Variants in SLC23A2 observed in about 807,000 individuals in gnomAD.
SLC23A2 encodes solute carrier family 23 member 2, also known as Na(+)/L-ascorbic acid transporter 2.
In SLC23A2, 36 loss-of-function variants were observed where a neutral mutation model predicts 73.3. The observed-to-expected ratio is 0.49, with a 90% confidence interval of 0.38 to 0.65. The LOEUF (loss-of-function observed/expected upper bound fraction) is 0.65, where lower values mean the gene tolerates loss of function less well. Ranked by LOEUF, SLC23A2 falls within the 30% of genes least tolerant of loss-of-function variation. SLC23A2 has a pLI of 0.00. For synonymous variants in SLC23A2, 343 were observed against 327.3 expected (o/e 1.05, Z -0.52); for missense variants, 507 against 841.6 (o/e 0.60, Z 4.92).
At chr20:4,972,060 T>C (rs1017319164) in intron 1 of SLC23A2, among the ~76,000 whole-genome samples, 3 of 152,212 alleles carry the variant, frequency 2.0e-5, no homozygotes, top group African/African-American at 7.2e-5. Flanking sequence ...CTCTTGTACC[T>C]ATGCATATGT....
At chr20:4,908,072 A>C (rs974018260) in intron 4 of SLC23A2, among the ~76,000 whole-genome samples, 2 of 152,260 alleles carry the variant, frequency 1.3e-5, no homozygotes, top group Non-Finnish European at 2.9e-5. Flanking sequence ...AAGAGAACTG[A>C]TAGCTGGAGG....
In SLC23A2 at chr20:4,873,898, C is replaced by T. The variant is rs375820549; in HGVS notation, c.1102+38G>A. 9.3e-5 allele frequency: 147 copies of T among 1,582,440 alleles called. 1 individual carries two copies. In the Middle Eastern group the frequency reaches 1.2e-3, roughly 13 times the overall value. On this transcript the variant is annotated intron_variant, in intron 11 of 16. Transcript: ENST00000338244. ...TTCCCACCCCTCTCAGTTGGGCCCT[C>T]GTGGGCTCTTGACCCCTCTAGCCAT...
intron 10 of SLC23A2, 95 bp from the exon 11 acceptor site, chr20:4,874,187 A>G: frequency 8.6e-7 from 1 of 1,161,304 alleles, no homozygotes; most frequent in Non-Finnish European, 1.2e-6. Context: ...CACACCCCAG[A>G]GCCCACCACA....
chr20:4,995,534 C>A (rs1348087102), intron 1 of SLC23A2, among the ~76,000 whole-genome samples: 2 of 152,118 alleles, frequency 1.3e-5, no homozygotes, highest in Non-Finnish European at 2.9e-5. Context: ...ACTCAGTTAC[C>A]CTCTCCCAGT....
Position 4,899,464 on chromosome 20 carries a change from A to G in SLC23A2, c.482+91T>C, listed in dbSNP as rs1931664785. 2.7e-6 allele frequency: 4 copies of G among 1,491,320 alleles called. No individual in the cohort carries two copies. The East Asian group carries it at 9.1e-5, about 34-fold the overall frequency. The allele number at this position is 1,491,320 out of a possible 1,614,324, so 92.4% of individuals were successfully genotyped here. Reference sequence around the variant, plus strand: ...CCCGTGCCTCCATTCTGTCCTTGCCAACAGCCCTAGGCAAACGGCGCAGCT... The same window carrying G: ...CCCGTGCCTCCATTCTGTCCTTGCCGACAGCCCTAGGCAAACGGCGCAGCT... On this transcript the variant is annotated intron_variant, in intron 6 of 16. Coordinates refer to ENST00000338244, the MANE Select transcript of SLC23A2 (RefSeq NM_005116.6). The surrounding 1 kb of genome is among the most constrained non-coding windows in gnomAD (Gnocchi z 4.9).
Position 4,883,759 on chromosome 20 carries a change from C to T in SLC23A2, c.707G>A (p.Gly236Glu). The T allele has an allele frequency of 6.2e-7, 1 of 1,613,874 alleles. No individual in the cohort carries two copies. The highest frequency in any genetic ancestry group is 8.5e-7 in the Non-Finnish European group (1 of 1,179,888). Reference sequence around the variant, plus strand: ...GGGACCGATGTACTTCAGTAGAGCCCCAGGCAGGCCGAGGAGGCCGATGAC... The same window carrying T: ...GGGACCGATGTACTTCAGTAGAGCCTCAGGCAGGCCGAGGAGGCCGATGAC... ...EVVIGLLGLPGALLKYIGPLT... is the reference protein window; with the variant it reads ...EVVIGLLGLPEALLKYIGPLT... The change falls in exon 9 of 17, where the codon GGG becomes GAG. Residue 236 changes from glycine (G) to glutamate (E), a missense_variant. Gly to Glu is a moderately conservative substitution (Grantham distance 98, BLOSUM62 -2). Transcript: ENST00000338244. This position sits in a 1 kb window ranked among gnomAD's most constrained non-coding sequence, Gnocchi z 4.5.
At chr20:4,917,541 A>C (rs550791250) in intron 3 of SLC23A2, among the ~76,000 whole-genome samples, 1 of 152,318 alleles carries the variant, frequency 6.6e-6, no homozygotes, top group African/African-American at 2.4e-5. Flanking sequence ...GAATGTTTGT[A>C]AGCCAATTCA....
rs975616901 is a variant in SLC23A2, at chr20:4,998,824, G to C, written c.-282+2582C>G. On this transcript the variant is annotated intron_variant, in intron 1 of 16. Coordinates refer to ENST00000338244, the MANE Select transcript of SLC23A2 (RefSeq NM_005116.6). The surrounding 1 kb of genome is among the most constrained non-coding windows in gnomAD (Gnocchi z 4.1). The stretch of plus-strand genomic sequence containing the variant: ...GTTGATCTTTTTTTTTTTTTTTTTA[G>C]GAGACAGTCTCACTCTGTCACCCAG... Among the ~76,000 whole-genome samples, 314 of 84,928 alleles carry C rather than the reference G, an allele frequency of 3.7e-3. No homozygotes were observed. The highest frequency in any genetic ancestry group is 0.011 in the African/African-American group (293 of 26,862). The allele number at this position is 84,928 out of a possible 152,430, so 55.7% of individuals were successfully genotyped here.
chr20:4,988,948 C>T (rs913791507), intron 1 of SLC23A2, among the ~76,000 whole-genome samples: 1 of 151,112 alleles, frequency 6.6e-6, no homozygotes, highest in Non-Finnish European at 1.5e-5. Flanking sequence ...AAAGAAATCG[C>T]TAACTAGGCC....
Position 4,883,919 on chromosome 20 carries a change from A to G in SLC23A2, c.643-96T>C, listed in dbSNP as rs1600098245. ...ACCACAACTGATAATTCTGCAAGGC[A>G]ATAAGTTATTACATCATCTAACTTG... On this transcript the variant is annotated intron_variant, in intron 8 of 16. Transcript: ENST00000338244. The surrounding 1 kb of genome is among the most constrained non-coding windows in gnomAD (Gnocchi z 4.5). The G allele has an allele frequency of 1.1e-6, 1 of 913,722 alleles. No homozygotes were observed. Among genetic ancestry groups the G allele is most frequent in the East Asian group, 2.8e-5 (1 of 36,022 alleles). 56.6% of individuals were successfully genotyped at this position (913,722 alleles called of 1,614,324 possible). A position where few individuals can be genotyped will look rare whatever the true frequency, so the allele number is the denominator to read the frequency against.
rs370260947 is a variant in SLC23A2, at chr20:4,893,070, C to CT, written c.482+6484dup. Among the ~76,000 whole-genome samples the CT allele has an allele frequency of 2.6e-3, 378 of 143,278 alleles. 1 individual carries two copies. Among genetic ancestry groups the CT allele is most frequent in the Middle Eastern group, 0.014 (4 of 280 alleles). The allele number at this position is 143,278 out of a possible 152,430, so 94.0% of individuals were successfully genotyped here. ...AGCCATCATGCTATCTGCAACTTTA[C>CT]TTTTTTTTTTTTTAGACAGGATCTC... On this transcript the variant is annotated intron_variant, in intron 6 of 16. Coordinates refer to ENST00000338244, the MANE Select transcript of SLC23A2 (RefSeq NM_005116.6).
intron 6 of SLC23A2, among the ~76,000 whole-genome samples, chr20:4,895,386 C>T (rs1931481998): frequency 1.3e-5 from 2 of 152,186 alleles, no homozygotes; most frequent in African/African-American, 2.4e-5. Flanking sequence ...AAAATAAACA[C>T]AGAAGTCTAA....
At chr20:5,005,779 G>C (rs1339844618), upstream of SLC23A2, among the ~76,000 whole-genome samples, 1 of 152,148 alleles carries the variant, frequency 6.6e-6, no homozygotes, top group Non-Finnish European at 1.5e-5. Context: ...CTTGAGGTCA[G>C]GAGTTCGAGA....
rs1313117561 is a variant in SLC23A2, at chr20:5,001,457, G to A, written c.-333C>T. The stretch of plus-strand genomic sequence containing the variant: ...CCTGCCGCCGCGCCTCGGCGCCGCA[G>A]TGCCCGCTGCAGCCTCCGCCTCCGG... On this transcript the variant is annotated 5_prime_UTR_variant, in exon 1 of 17. Transcript: ENST00000338244. 1 of 148,656 alleles carries A rather than the reference G, an allele frequency of 6.7e-6. No homozygotes were observed. Among genetic ancestry groups the A allele is most frequent in the Non-Finnish European group, 1.5e-5 (1 of 66,714 alleles). The allele number at this position is 148,656 out of a possible 1,614,324, so 9.2% of individuals were successfully genotyped here. A position where few individuals can be genotyped will look rare whatever the true frequency, so the allele number is the denominator to read the frequency against.
At chr20:4,997,053 G>A (rs1011038778) in intron 1 of SLC23A2, among the ~76,000 whole-genome samples, 16 of 151,950 alleles carry the variant, frequency 1.1e-4, no homozygotes, top group African/African-American at 2.7e-4. Flanking sequence ...CCAGAACCTC[G>A]GAGTCCTCCT....
upstream of SLC23A2, among the ~76,000 whole-genome samples, chr20:5,003,532 T>C (rs2088157615): frequency 6.6e-6 from 1 of 151,444 alleles, no homozygotes. Flanking sequence ...TTTTTTTTAA[T>C]ACGATGTGTT....
chr20:4,876,068 G>A (rs780556299), intron 9 of SLC23A2, among the ~76,000 whole-genome samples: 14 of 152,118 alleles, frequency 9.2e-5, no homozygotes, highest in Admixed American at 7.9e-4. Context: ...GTTCAAGGTC[G>A]AAAACACACA....
chr20:4,912,935 T>C lies in SLC23A2; in HGVS notation c.152A>G (p.Asn51Ser), dbSNP rs375929033. 4.5e-6 allele frequency: 7 copies of C among 1,555,006 alleles called. No homozygotes were observed. The highest frequency in any genetic ancestry group is 2.4e-5 in the East Asian group (1 of 42,072). Residue 51 changes from asparagine (N) to serine (S), a missense_variant, in exon 4 of 17, where the codon AAT becomes AGT. This residue lies in a region of SLC23A2 where 78 missense variants were observed against 86.7 expected (regional missense o/e 0.90). Coordinates refer to ENST00000338244, the MANE Select transcript of SLC23A2 (RefSeq NM_005116.6). ...GGATSSGEQDNEDTELMAIYT... is the reference protein window; with the variant it reads ...GGATSSGEQDSEDTELMAIYT... ...GATCGCCATGAGCTCAGTGTCCTCATTGTCCTGCTCACCGCTGGAGGTGGC... is the reference window on the plus strand; with the variant it reads ...GATCGCCATGAGCTCAGTGTCCTCACTGTCCTGCTCACCGCTGGAGGTGGC...
At chr20:4,989,554 T>C (rs1349596834) in intron 1 of SLC23A2, among the ~76,000 whole-genome samples, 1 of 152,026 alleles carries the variant, frequency 6.6e-6, no homozygotes, top group Non-Finnish European at 1.5e-5. Flanking sequence ...CTCACACCTG[T>C]AATCCTGGCA....
Sources: allele counts gnomAD v4.1 joint callset (sites outside exome capture counted in the v4.1 genomes callset), GRCh38; gene constraint gnomAD v4.1.1; regional missense constraint gnomAD v4.1.1; non-coding constraint Gnocchi (gnomAD v3.1); transcripts MANE v1.5; gene names NCBI Gene and HGNC (gene_info 2026-07-23, HGNC 2026-07-21).